The following UBR1 variants were observed in gnomAD, a reference collection of about 807,000 sequenced individuals.
The protein encoded by UBR1 is ubiquitin protein ligase E3 component n-recognin 1, also known as E3 ubiquitin-protein ligase UBR1.
UBR1 carries 102 observed loss-of-function variants against 242.1 expected under a neutral mutation model. The observed-to-expected ratio is 0.42, with a 90% CI of 0.36 to 0.50. The LOEUF is 0.50. UBR1 is among the 20% of genes least tolerant of loss of function. The probability of loss-of-function intolerance (pLI) is 0.01; values close to 1 mark genes in which losing one functional copy is unlikely to be tolerated. For missense variants in UBR1, 1,772 were observed against 2,101.8 expected, an observed-to-expected ratio of 0.84 and a Z score of 3.07; for synonymous variants, 675 against 684.8, an observed-to-expected ratio of 0.99 and a Z score of 0.22.
Position 43,097,978 on chromosome 15 carries a change from T to C in UBR1, c.81+7964A>G, listed in dbSNP as rs562606760. 1.2e-4 allele frequency among the ~76,000 whole-genome samples: 19 copies of C among 152,362 alleles called. No individual in the cohort carries two copies. In the East Asian group the frequency reaches 3.1e-3, roughly 25 times the overall value. ...CTGCTTGGCACAAGAGGCATAACTCTTGGCCTATGTCAGCTTTCAACAGCC... is the reference window on the plus strand; with the variant it reads ...CTGCTTGGCACAAGAGGCATAACTCCTGGCCTATGTCAGCTTTCAACAGCC... On this transcript the variant is annotated intron_variant, in intron 1 of 46. Coordinates refer to ENST00000290650, the MANE Select transcript of UBR1 (RefSeq NM_174916.3).
intron 29 of UBR1, 46 bp downstream of exon 29, chr15:43,015,641 TA>T (rs545035936): frequency 0.027 from 26,797 of 1,006,798 alleles, no homozygotes; most frequent in Middle Eastern, 0.034. Flanking sequence ...ATGATCAATT[TA>T]AAAAAAAAAA....
intron 14 of UBR1, among the ~76,000 whole-genome samples, chr15:43,044,466 G>A (rs1434945189): frequency 6.6e-6 from 1 of 152,066 alleles, no homozygotes; most frequent in African/African-American, 2.4e-5. Context: ...AATACAGAAG[G>A]GAGACATTAA....
chr15:42,997,410 A>G (rs2032656750), intron 33 of UBR1, among the ~76,000 whole-genome samples: 1 of 152,222 alleles, frequency 6.6e-6, no homozygotes, highest in South Asian at 2.1e-4. Context: ...AATGCACTTG[A>G]ATCATCCCAA....
intron 6 of UBR1, among the ~76,000 whole-genome samples, chr15:43,062,697 G>T (rs912541362): frequency 6.6e-6 from 1 of 152,112 alleles, no homozygotes; most frequent in Non-Finnish European, 1.5e-5. Context: ...CTACAGCCTT[G>T]AACTCCCAGG....
At chr15:43,001,768 G>C (rs992162845) in intron 32 of UBR1, among the ~76,000 whole-genome samples, 2 of 152,124 alleles carry the variant, frequency 1.3e-5, no homozygotes, top group African/African-American at 2.4e-5. Context: ...TACCCAAAGA[G>C]AGATATATAA....
Position 43,021,407 on chromosome 15 carries a change from A to T in UBR1, c.2840-32T>A, listed in dbSNP as rs371888649. On this transcript the variant is annotated intron_variant, in intron 26 of 46. Coordinates refer to ENST00000290650, the MANE Select transcript of UBR1 (RefSeq NM_174916.3). ...TAAAACACAAAATCACACATCATAA[A>T]TACATAAAGTCATCTCTTGGTATCC... is the stretch of plus-strand genomic sequence containing the variant. 185 of 1,598,454 alleles carry T rather than the reference A, an allele frequency of 1.2e-4. 3 individuals carry two copies. In the African/African-American group the frequency reaches 2.0e-3, roughly 17 times the overall value.
chr15:42,984,244 T>C (rs1160505144), intron 36 of UBR1, among the ~76,000 whole-genome samples: 1 of 152,202 alleles, frequency 6.6e-6, no homozygotes, highest in African/African-American at 2.4e-5. Flanking sequence ...AATTTTCACA[T>C]AAAAAGTGTT....
intron 1 of UBR1, among the ~76,000 whole-genome samples, chr15:43,104,518 T>C (rs1324473273): frequency 1.3e-5 from 2 of 152,078 alleles, no homozygotes; most frequent in Non-Finnish European, 2.9e-5. Context: ...GAACTGCTAT[T>C]TGGGGTGGAG....
intron 42 of UBR1, among the ~76,000 whole-genome samples, chr15:42,963,163 C>T (rs1282449710): frequency 2.0e-5 from 3 of 151,884 alleles, no homozygotes; most frequent in Non-Finnish European, 1.5e-5. Context: ...CAGAATATTT[C>T]GAGAGAAATG....
Position 43,070,804 on chromosome 15 carries a change from A to G in UBR1, c.650T>C (p.Leu217Pro). Residue 217 changes from leucine to proline, a missense_variant, in exon 5 of 47, where the codon CTC (leucine) becomes CCC (proline). Leu to Pro is a moderately conservative substitution (Grantham distance 98). Around this residue, in one of 3 missense-constraint regions of UBR1, gnomAD observed 734 missense variants for 893.3 expected, o/e 0.82. Coordinates refer to ENST00000290650, the MANE Select transcript of UBR1 (RefSeq NM_174916.3). ...WEEEKELPPE[L>P]QIREKNERYY... The stretch of plus-strand genomic sequence containing the variant: ...TGACAGTTTTCCCCACCTTATCTGG[A>G]GTTCAGGAGGCAGTTCTTTTTCCTC... 6.2e-7 allele frequency: 1 copy of G among 1,613,442 alleles called. No individual in the cohort carries two copies. Among genetic ancestry groups the G allele is most frequent in the Non-Finnish European group, 8.5e-7 (1 of 1,179,958 alleles).
intron 40 of UBR1, 96 bp downstream of exon 40, chr15:42,970,424 T>A (rs2032184771): frequency 3.1e-6 from 4 of 1,311,066 alleles, no homozygotes; most frequent in South Asian, 1.2e-5. Flanking sequence ...TGATTATTTT[T>A]AACTGGAATT....
chr15:42,997,697 T>C (rs914945519), intron 33 of UBR1, among the ~76,000 whole-genome samples: 31 of 152,230 alleles, frequency 2.0e-4, no homozygotes, highest in African/African-American at 7.5e-4. Context: ...GGCTAACATG[T>C]AGCACTTACT....
intron 6 of UBR1, among the ~76,000 whole-genome samples, chr15:43,063,499 A>G (rs1432900299): frequency 6.6e-6 from 1 of 152,172 alleles, no homozygotes; most frequent in Non-Finnish European, 1.5e-5. Flanking sequence ...CTTGTACATA[A>G]GACGGCAAAA....
At chr15:43,102,003 G>A (rs1217126443) in intron 1 of UBR1, among the ~76,000 whole-genome samples, 1 of 146,202 alleles carries the variant, frequency 6.8e-6, no homozygotes, top group Non-Finnish European at 1.5e-5. Context: ...AGCCAGGCAT[G>A]GTGGTGCATG....
intron 39 of UBR1, among the ~76,000 whole-genome samples, chr15:42,973,326 TTGTTCCGTTGC>T (rs561842141): frequency 6.6e-6 from 1 of 152,312 alleles, no homozygotes; most frequent in African/African-American, 2.4e-5. Context: ...AGACCAAGTC[TTGTTCCGTTGC>T]CAGGATGGAG....
At chr15:42,982,270 A>G (rs1335886899) in intron 37 of UBR1, among the ~76,000 whole-genome samples, 1 of 152,236 alleles carries the variant, frequency 6.6e-6, no homozygotes, top group Admixed American at 6.5e-5. Context: ...TTATGACTGA[A>G]ATGAAAAAGA....
chr15:43,044,041 T>A (rs890360321), intron 14 of UBR1, among the ~76,000 whole-genome samples: 1 of 152,080 alleles, frequency 6.6e-6, no homozygotes. Context: ...AAGGAGAAGA[T>A]GGCATTCTAA....
chr15:42,974,588 T>C (rs919939235), intron 39 of UBR1, among the ~76,000 whole-genome samples: 25 of 152,322 alleles, frequency 1.6e-4, no homozygotes, highest in Admixed American at 3.9e-4. Flanking sequence ...TATTTATTTA[T>C]GTACTTGTTT....
intron 31 of UBR1, 27 bp downstream of exon 31, chr15:43,003,810 C>A: frequency 6.2e-7 from 1 of 1,610,384 alleles, no homozygotes; most frequent in African/African-American, 1.3e-5. Context: ...TAGTCTCTTT[C>A]AAGAACATGT....
Sources: gnomAD v4.1 joint callset for allele counts (sites outside exome capture counted in the v4.1 genomes callset) on GRCh38, gnomAD v4.1.1 for gene constraint, gnomAD v4.1.1 regional missense constraint, MANE v1.5 for transcripts, NCBI Gene and HGNC (gene_info 2026-07-23, HGNC 2026-07-21) for gene names.